Variants in CD59 observed in about 807,000 individuals in gnomAD.
The protein encoded by CD59 is CD59 molecule (CD59 blood group).
In CD59, 3 loss-of-function variants were observed where a neutral mutation model predicts 7.0. That is an observed-to-expected ratio of 0.43 (90% CI 0.19 to 1.10). The LOEUF (loss-of-function observed/expected upper bound fraction) is 1.10. Among genes scored for constraint, CD59 ranks in the 50% least tolerant of loss-of-function variants. The probability of loss-of-function intolerance (pLI) is 0.29; values close to 1 mark genes in which losing one functional copy is unlikely to be tolerated. For synonymous variants in CD59, 60 were observed against 62.0 expected, an observed-to-expected ratio of 0.97 and a Z score of 0.15; for missense variants, 143 against 151.0, an observed-to-expected ratio of 0.95 and a Z score of 0.28.
intron 1 of CD59, among the ~76,000 whole-genome samples, chr11:33,723,805 G>C (rs1202578895): frequency 6.6e-6 from 1 of 152,152 alleles, no homozygotes; most frequent in Admixed American, 6.5e-5. Flanking sequence ...AGTATACAAG[G>C]AACTGCTACA....
intron 1 of CD59, among the ~76,000 whole-genome samples, chr11:33,723,951 A>T (rs1404062119): frequency 2.6e-5 from 4 of 151,352 alleles, no homozygotes; most frequent in East Asian, 1.9e-4. Context: ...TAAAAACATT[A>T]AAAAAAAATT....
chr11:33,719,688 C>T (rs748177165), intron 2 of CD59: 1 of 152,250 alleles, frequency 6.6e-6, no homozygotes, highest in Non-Finnish European at 1.5e-5. Context: ...GATGACAAGA[C>T]AGATGTCTGG....
rs758417612 is a variant in CD59 at position 33,711,473 on chromosome 11, G to A, written c.170-1130C>T. ...AGGCTGAAGTGAGAGGATTGCCTGC[G>A]GCCAGCCTGGGCAACATAGTGATAT... On this transcript the variant is annotated intron_variant, in intron 3 of 3. Transcript: ENST00000642928. The A allele has an allele frequency of 6.3e-5, 44 of 693,322 alleles. 1 individual carries two copies. In the Middle Eastern group the frequency reaches 1.3e-3, roughly 21 times the overall value. The allele number at this position is 693,322 out of a possible 1,614,324, so 42.9% of individuals were successfully genotyped here. A position where few individuals can be genotyped will look rare whatever the true frequency, so the allele number is the denominator to read the frequency against.
intron 3 of CD59, among the ~76,000 whole-genome samples, chr11:33,715,270 C>T (rs1338292233): frequency 6.6e-6 from 1 of 152,102 alleles, no homozygotes; most frequent in African/African-American, 2.4e-5. Flanking sequence ...TCCACAGTAG[C>T]TATACTGGTT....
intron 3 of CD59, among the ~76,000 whole-genome samples, chr11:33,711,071 T>C (rs1254273815): frequency 7.4e-6 from 1 of 134,538 alleles, no homozygotes; most frequent in African/African-American, 2.8e-5. Context: ...GGCAGAAAAA[T>C]AGGTAAACTG....
At chr11:33,721,514 T>C (rs1052039353) in intron 2 of CD59, among the ~76,000 whole-genome samples, 17 of 152,188 alleles carry the variant, frequency 1.1e-4, no homozygotes, top group African/African-American at 4.1e-4. Flanking sequence ...ACCAACCATA[T>C]TTATAAAAAA....
chr11:33,715,647 T>A (rs1853756875), intron 3 of CD59, among the ~76,000 whole-genome samples: 1 of 152,120 alleles, frequency 6.6e-6, no homozygotes, highest in Non-Finnish European at 1.5e-5. Flanking sequence ...TTGTTCCACA[T>A]CCTCACCAGC....
Position 33,711,490 on chromosome 11 carries a change from T to C in CD59, c.170-1147A>G, listed in dbSNP as rs1313824692. On this transcript the variant is annotated intron_variant, in intron 3 of 3. Transcript: ENST00000642928. ...TTGCCTGCGGCCAGCCTGGGCAACA[T>C]AGTGATATCCCAACTCTACAAAAAT... 31 of 686,656 alleles carry C rather than the reference T, an allele frequency of 4.5e-5. 1 individual carries two copies. The highest frequency in any genetic ancestry group is 1.7e-4 in the Admixed American group (8 of 46,216). 42.5% of individuals were successfully genotyped at this position (686,656 alleles called of 1,614,324 possible). A position where few individuals can be genotyped will look rare whatever the true frequency, so the allele number is the denominator to read the frequency against.
Position 33,710,200 on chromosome 11 carries a change from T to G in CD59, c.313A>C (p.Thr105Pro), listed in dbSNP as rs201067115. ...AGAACTGTTTTCTCTGATAAGGATG[T>G]CCCACCATTTTCAAGCTGTTCGTTA... Reference protein sequence around the residue: ...NFNEQLENGGTSLSEKTVLLL... With the variant: ...NFNEQLENGGPSLSEKTVLLL... The change falls in exon 4 of 4, where the codon ACA becomes CCA. Residue 105 changes from threonine (T) to proline (P), a missense_variant. Physicochemically the swap from Thr to Pro is conservative, Grantham distance 38. Coordinates refer to ENST00000642928, the MANE Select transcript of CD59 (RefSeq NM_000611.6). The G allele has an allele frequency of 2.5e-5, 41 of 1,614,178 alleles. No individual in the cohort carries two copies. The highest frequency in any genetic ancestry group is 9.9e-5 in the South Asian group (9 of 91,080).
At chr11:33,732,441 C>A (rs1354507781) in intron 1 of CD59, among the ~76,000 whole-genome samples, 1 of 152,186 alleles carries the variant, frequency 6.6e-6, no homozygotes, top group African/African-American at 2.4e-5. Context: ...CCTTCTCCAC[C>A]ATGATTCTAA....
chr11:33,725,106 T>C (rs1247094056), intron 1 of CD59, among the ~76,000 whole-genome samples: 2 of 152,148 alleles, frequency 1.3e-5, no homozygotes, highest in African/African-American at 2.4e-5. Context: ...TTATTTTTCT[T>C]CCTGATCCTT....
At chr11:33,731,961 G>C (rs941849193) in intron 1 of CD59, among the ~76,000 whole-genome samples, 2 of 151,492 alleles carry the variant, frequency 1.3e-5, no homozygotes, top group Non-Finnish European at 2.9e-5. Context: ...CACTGGGGAC[G>C]GTTTCCCCCA....
At chr11:33,732,024 G>C (rs1301063639) in intron 1 of CD59, among the ~76,000 whole-genome samples, 1 of 152,112 alleles carries the variant, frequency 6.6e-6, no homozygotes, top group Non-Finnish European at 1.5e-5. Flanking sequence ...GTTTTATAAG[G>C]GGTTTCCCCT....
intron 1 of CD59, chr11:33,731,605 C>G (rs187960842): frequency 3.0e-4 from 46 of 152,296 alleles, no homozygotes; most frequent in African/African-American, 9.6e-4. Flanking sequence ...GTGTAAGGCT[C>G]AAGAATGTGC....
rs1227034745 is a variant in CD59 at position 33,708,132 on chromosome 11, C to G, written c.*1994G>C. On this transcript the variant is annotated 3_prime_UTR_variant, in exon 4 of 4. Transcript: ENST00000642928. The stretch of plus-strand genomic sequence containing the variant: ...GCTGTTTGCCTAGTACTATAAATGT[C>G]TTTACATTACAGTATTGCCTTTGGG... 1 of 152,182 alleles carries G rather than the reference C, an allele frequency of 6.6e-6. No homozygotes were observed. Among genetic ancestry groups the G allele is most frequent in the African/African-American group, 2.4e-5 (1 of 41,426 alleles). The allele number at this position is 152,182 out of a possible 1,614,324, so 9.4% of individuals were successfully genotyped here.
intron 1 of CD59, among the ~76,000 whole-genome samples, chr11:33,731,761 C>T (rs1025032825): frequency 6.6e-6 from 1 of 151,258 alleles, no homozygotes; most frequent in African/African-American, 2.4e-5. Context: ...ATAAAAGAAG[C>T]TGTTAGTTCT....
Position 33,710,044 on chromosome 11 carries a change from A to C in CD59, c.*82T>G. ...TCCCAACAGGATCCATTTGGAAAATATCAAGCCTTTAGAATGTGGCAGCAA... is the reference window on the plus strand; with the variant it reads ...TCCCAACAGGATCCATTTGGAAAATCTCAAGCCTTTAGAATGTGGCAGCAA... On this transcript the variant is annotated 3_prime_UTR_variant, in exon 4 of 4. Transcript: ENST00000642928. 2 of 1,105,028 alleles carry C rather than the reference A, an allele frequency of 1.8e-6. No individual in the cohort carries two copies. The highest frequency in any genetic ancestry group is 2.7e-6 in the Non-Finnish European group (2 of 739,104). The allele number at this position is 1,105,028 out of a possible 1,614,324, so 68.5% of individuals were successfully genotyped here. A position where few individuals can be genotyped will look rare whatever the true frequency, so the allele number is the denominator to read the frequency against.
intron 3 of CD59, among the ~76,000 whole-genome samples, chr11:33,712,693 T>A (rs1230795282): frequency 6.6e-6 from 1 of 152,204 alleles, no homozygotes; most frequent in Non-Finnish European, 1.5e-5. Context: ...GATCCTGGAA[T>A]TAGACAGTTG....
intron 3 of CD59, among the ~76,000 whole-genome samples, chr11:33,715,201 A>G (rs1208142318): frequency 6.6e-6 from 1 of 152,090 alleles, no homozygotes; most frequent in Non-Finnish European, 1.5e-5. Flanking sequence ...AATTATCAAA[A>G]TATCAAGTAT....
Sources: allele counts gnomAD v4.1 joint callset (sites outside exome capture counted in the v4.1 genomes callset), GRCh38; gene constraint gnomAD v4.1.1; transcripts MANE v1.5; gene names NCBI Gene and HGNC (gene_info 2026-07-23, HGNC 2026-07-21).